INO80D: variants seen among roughly 807,000 people sequenced by gnomAD.
The protein encoded by INO80D is INO80 complex subunit D.
A neutral mutation model predicts 87.6 loss-of-function variants in INO80D; 21 were observed. That is an observed-to-expected ratio of 0.24 (90% CI 0.17 to 0.35). The LOEUF (loss-of-function observed/expected upper bound fraction) is 0.35, where lower values mean the gene tolerates loss of function less well. Ranked by LOEUF, INO80D falls within the 10% of genes least tolerant of loss-of-function variation. The pLI, the probability that INO80D is intolerant of heterozygous loss-of-function variation, is 1.00. For synonymous variants in INO80D, 440 were observed against 491.0 expected, an observed-to-expected ratio of 0.90 and a Z score of 1.37; for missense variants, 982 against 1,280.7, an observed-to-expected ratio of 0.77 and a Z score of 3.56.
intron 5 of INO80D, among the ~76,000 whole-genome samples, chr2:206,036,118 G>C (rs184391643): frequency 9.2e-4 from 140 of 152,206 alleles, no homozygotes; most frequent in African/African-American, 3.2e-3. Context: ...GTGGTGATCA[G>C]GGAACACTTC....
At chr2:206,044,165 T>G (rs1689132276) in intron 5 of INO80D, among the ~76,000 whole-genome samples, 1 of 152,108 alleles carries the variant, frequency 6.6e-6, no homozygotes, top group Non-Finnish European at 1.5e-5. Flanking sequence ...TGCACTCTAC[T>G]GTGGGCAACA....
rs183668370 is a variant in INO80D at position 206,001,082 on chromosome 2, C to T, written c.*3286G>A. Reference sequence around the variant, plus strand: ...CTTGGTGGGTTAAGTATAATTGCTACTTACTATTGAGTTGTTTACTAGCTA... The same window carrying T: ...CTTGGTGGGTTAAGTATAATTGCTATTTACTATTGAGTTGTTTACTAGCTA... On this transcript the variant is annotated 3_prime_UTR_variant, in exon 11 of 11. Coordinates refer to ENST00000403263, the MANE Select transcript of INO80D (RefSeq NM_017759.5). 7.2e-4 allele frequency: 110 copies of T among 152,254 alleles called. No individual in the cohort carries two copies. The highest frequency in any genetic ancestry group is 2.4e-3 in the African/African-American group (101 of 41,552). 9.4% of individuals were successfully genotyped at this position (152,254 alleles called of 1,614,324 possible).
chr2:206,018,652 G>A (rs1240992294), intron 7 of INO80D, among the ~76,000 whole-genome samples: 1 of 152,156 alleles, frequency 6.6e-6, no homozygotes, highest in African/African-American at 2.4e-5. Context: ...CAGGCACAGT[G>A]GCTCACACCT....
At chr2:206,010,086 C>CACACACACGCAA (rs1688131791) in intron 8 of INO80D, among the ~76,000 whole-genome samples, 2 of 151,632 alleles carry the variant, frequency 1.3e-5, no homozygotes, top group Non-Finnish European at 2.9e-5. Flanking sequence ...CACACACACA[C>CACACACACGCAA]GCACACACAC....
intron 4 of INO80D, among the ~76,000 whole-genome samples, chr2:206,048,004 C>T (rs1689245168): frequency 6.6e-6 from 1 of 152,058 alleles, no homozygotes; most frequent in East Asian, 1.9e-4. Flanking sequence ...GCACCCGCCA[C>T]CGCGCCTGGC....
At position 206,085,379 on chromosome 2, in the gene INO80D, A is replaced by T. The variant is rs868499412; in HGVS notation, c.-124+522T>A. 1.3e-5 allele frequency: 2 copies of T among 149,762 alleles called. No homozygotes were observed. Among genetic ancestry groups the T allele is most frequent in the Admixed American group, 1.3e-4 (2 of 15,074 alleles). The allele number at this position is 149,762 out of a possible 1,614,324, so 9.3% of individuals were successfully genotyped here. A position where few individuals can be genotyped will look rare whatever the true frequency, so the allele number is the denominator to read the frequency against. ...AAGGGGAGCCGGGCGCCCATTCCCC[A>T]CTCCCCACTCCTAGGCCCTGACGCC... On this transcript the variant is annotated intron_variant, in intron 1 of 10. Coordinates refer to ENST00000403263, the MANE Select transcript of INO80D (RefSeq NM_017759.5). This position sits in a 1 kb window ranked among gnomAD's most constrained non-coding sequence, Gnocchi z 4.5.
chr2:206,076,479 T>C (rs1203520584), intron 1 of INO80D, among the ~76,000 whole-genome samples: 1 of 152,160 alleles, frequency 6.6e-6, no homozygotes, highest in Non-Finnish European at 1.5e-5. Flanking sequence ...ATGTAAAAAA[T>C]AGTAAAATCA....
Position 206,000,961 on chromosome 2 carries a change from T to C in INO80D, c.*3407A>G, listed in dbSNP as rs1292785475. 6.6e-6 allele frequency: 1 copy of C among 152,226 alleles called. No individual in the cohort carries two copies. The highest frequency in any genetic ancestry group is 1.9e-4 in the East Asian group (1 of 5,202). The allele number at this position is 152,226 out of a possible 1,614,324, so 9.4% of individuals were successfully genotyped here. A position where few individuals can be genotyped will look rare whatever the true frequency, so the allele number is the denominator to read the frequency against. ...GCTCAGGAAGTCATTTATAAAGCAGTTATATCACACATGGTAGGTCACCAG... is the reference window on the plus strand; with the variant it reads ...GCTCAGGAAGTCATTTATAAAGCAGCTATATCACACATGGTAGGTCACCAG... On this transcript the variant is annotated 3_prime_UTR_variant, in exon 11 of 11. Transcript: ENST00000403263.
chr2:206,035,668 C>T (rs1370067344), intron 5 of INO80D, among the ~76,000 whole-genome samples: 1 of 152,086 alleles, frequency 6.6e-6, no homozygotes, highest in Non-Finnish European at 1.5e-5. Context: ...TTGGCTTAGG[C>T]AAGGAGTTCA....
intron 5 of INO80D, among the ~76,000 whole-genome samples, chr2:206,033,346 G>A (rs1044064897): frequency 3.3e-5 from 5 of 152,198 alleles, no homozygotes; most frequent in Admixed American, 1.3e-4. Context: ...ACCACAAAAT[G>A]AGCCTCAATA....
chr2:206,057,046 A>C (rs1022174686), intron 3 of INO80D, 103 bp from the exon 4 acceptor site: 11 of 1,160,104 alleles, frequency 9.5e-6, no homozygotes, highest in Admixed American at 2.9e-5. Flanking sequence ...TTGCGTCACT[A>C]TAGTGACTCT....
At chr2:206,023,680 TA>T (rs55665575) in intron 6 of INO80D, among the ~76,000 whole-genome samples, 2,953 of 101,520 alleles carry the variant, frequency 0.029, 77 homozygotes, top group African/African-American at 0.09. Context: ...GAGACTCATC[TA>T]AAAAAAAAAA....
intron 6 of INO80D, among the ~76,000 whole-genome samples, 182 bp from the exon 7 acceptor site, chr2:206,020,027 T>C (rs1688418663): frequency 6.6e-6 from 1 of 152,156 alleles, no homozygotes; most frequent in Non-Finnish European, 1.5e-5. Flanking sequence ...AATTGTGTTA[T>C]TTCCCTAATC....
At chr2:206,050,895 G>C (rs1689344077) in intron 4 of INO80D, among the ~76,000 whole-genome samples, 1 of 152,038 alleles carries the variant, frequency 6.6e-6, no homozygotes, top group South Asian at 2.1e-4. Context: ...CGTGAACCCG[G>C]GAGGCGGAGC....
chr2:206,048,902 A>C (rs1472381525), intron 4 of INO80D, among the ~76,000 whole-genome samples: 1 of 152,184 alleles, frequency 6.6e-6, no homozygotes, highest in Non-Finnish European at 1.5e-5. Flanking sequence ...CCTGTCTCTA[A>C]AAGTTAAGAA....
intron 5 of INO80D, among the ~76,000 whole-genome samples, chr2:206,037,365 C>T (rs818018): frequency 0.33 from 50,733 of 151,872 alleles, 9,043 homozygotes; most frequent in South Asian, 0.59. Flanking sequence ...ATTAAGACAA[C>T]CAAACAGCAA....
chr2:206,046,518 T>A lies in INO80D; in HGVS notation c.1059A>T (p.Arg353Ser). 1 of 1,606,656 alleles carries A rather than the reference T, an allele frequency of 6.2e-7. No individual in the cohort carries two copies. Among genetic ancestry groups the A allele is most frequent in the East Asian group, 2.2e-5 (1 of 44,802 alleles). Residue 353 changes from arginine (R) to serine (S), a missense_variant, in exon 5 of 11, where the codon AGA becomes AGT. Transcript: ENST00000403263. Reference protein sequence around the residue: ...QVAWSIRETLRYQRHASDDDD... With the variant: ...QVAWSIRETLSYQRHASDDDD... ...AGAAGACTTACGCATGTCTTTGATA[T>A]CTGAGGGTTTCCCGGATGGACCATG...
intron 1 of INO80D, among the ~76,000 whole-genome samples, chr2:206,076,354 C>T (rs1443594676): frequency 6.6e-6 from 1 of 152,086 alleles, no homozygotes; most frequent in African/African-American, 2.4e-5. Context: ...AAACGTTTTT[C>T]CATGTTATGT....
chr2:206,077,535 T>C (rs1226334998), intron 1 of INO80D, among the ~76,000 whole-genome samples: 1 of 152,216 alleles, frequency 6.6e-6, no homozygotes, highest in East Asian at 1.9e-4. Context: ...ACTAATGTTC[T>C]TGTGATGGAA....
Sources: allele counts gnomAD v4.1 joint callset (sites outside exome capture counted in the v4.1 genomes callset), GRCh38; gene constraint gnomAD v4.1.1; non-coding constraint Gnocchi (gnomAD v3.1); transcripts MANE v1.5; gene names NCBI Gene and HGNC (gene_info 2026-07-23, HGNC 2026-07-21).